RANBP2: variants seen among roughly 807,000 people sequenced by gnomAD.
The protein encoded by RANBP2 is E3 SUMO-protein ligase RanBP2.
In RANBP2, 57 loss-of-function variants were observed where a neutral mutation model predicts 303.6. The ratio of observed to expected loss-of-function variants is 0.19; its 90% CI spans 0.15 to 0.23. The LOEUF (loss-of-function observed/expected upper bound fraction) is 0.23, where lower values mean the gene tolerates loss of function less well. RANBP2 is among the 10% of genes least tolerant of loss of function. The pLI is 1.00. For missense variants in RANBP2, 3,138 were observed against 3,780.8 expected, an observed-to-expected ratio of 0.83 and a Z score of 4.46; for synonymous variants, 1,167 against 1,301.5, an observed-to-expected ratio of 0.90 and a Z score of 2.23.
At chr2:108,930,099 C>T in the RANBP2 span, 1 of 1,609,640 alleles carries the variant, frequency 6.2e-7, no homozygotes, top group Non-Finnish European at 8.5e-7. Flanking sequence ...GCACCAGGCT[C>T]CAGGAGGGCT....
At chr2:109,209,349 C>T in the RANBP2 span, among the ~76,000 whole-genome samples, 10 of 152,220 alleles carry the variant, frequency 6.6e-5, no homozygotes, top group South Asian at 6.2e-4. Flanking sequence ...TGCTGGCAAA[C>T]GTTTAACAGT....
the RANBP2 span, among the ~76,000 whole-genome samples, chr2:109,381,144 G>A: frequency 6.6e-6 from 1 of 152,212 alleles, no homozygotes; most frequent in Non-Finnish European, 1.5e-5. Flanking sequence ...AGGCTTAAGT[G>A]AGTCATCTCC....
the RANBP2 span, among the ~76,000 whole-genome samples, chr2:109,484,159 T>C: frequency 6.6e-6 from 1 of 151,772 alleles, no homozygotes; most frequent in African/African-American, 2.4e-5. Context: ...CTCTGCCTTC[T>C]GGGTTCAAGC....
At chr2:108,811,367 C>T in the RANBP2 span, among the ~76,000 whole-genome samples, 4 of 151,002 alleles carry the variant, frequency 2.6e-5, no homozygotes, top group African/African-American at 9.7e-5. Context: ...GCTTCAGCCT[C>T]CTTAGTAGCT....
At chr2:108,969,350 T>C in the RANBP2 span, among the ~76,000 whole-genome samples, 8 of 152,220 alleles carry the variant, frequency 5.3e-5, no homozygotes, top group Non-Finnish European at 1.2e-4. Flanking sequence ...CTTGCTGCTA[T>C]TGATCTGTAT....
At chr2:109,316,092 A>G in the RANBP2 span, among the ~76,000 whole-genome samples, 13 of 152,200 alleles carry the variant, frequency 8.5e-5, no homozygotes, top group South Asian at 2.1e-4. Flanking sequence ...CCAGTATGCA[A>G]TTGTAAAGCA....
the RANBP2 span, among the ~76,000 whole-genome samples, chr2:109,113,262 A>G: frequency 6.6e-6 from 1 of 152,216 alleles, no homozygotes; most frequent in Non-Finnish European, 1.5e-5. Flanking sequence ...CTTTCTATCC[A>G]TGAGCATGGA....
the RANBP2 span, among the ~76,000 whole-genome samples, chr2:108,914,688 A>G: frequency 6.6e-6 from 1 of 152,206 alleles, no homozygotes; most frequent in African/African-American, 2.4e-5. Context: ...ACATGCTTCA[A>G]ATGCATCTCC....
chr2:108,828,697 G>T, the RANBP2 span, among the ~76,000 whole-genome samples: 4 of 152,104 alleles, frequency 2.6e-5, no homozygotes, highest in African/African-American at 4.8e-5. Flanking sequence ...AATTTAACTC[G>T]GCTGGGCGTG....
the RANBP2 span, among the ~76,000 whole-genome samples, chr2:108,947,636 C>T: frequency 6.6e-6 from 1 of 152,192 alleles, no homozygotes; most frequent in Non-Finnish European, 1.5e-5. Context: ...GGGACTTGCA[C>T]CCTCTGAAGC....
Position 108,775,733 on chromosome 2 carries a change from A to C in RANBP2, c.8294A>C (p.Lys2765Thr). 1 of 1,613,640 alleles carries C rather than the reference A, an allele frequency of 6.2e-7. No homozygotes were observed. The highest frequency in any genetic ancestry group is 8.5e-7 in the Non-Finnish European group (1 of 1,179,892). The change falls in exon 24 of 29, where the codon AAA becomes ACA. Residue 2765 changes from lysine to threonine, a missense_variant and splice_region_variant. This residue lies in a region of RANBP2 where 497 missense variants were observed against 465.8 expected (regional missense o/e 1.07). Transcript: ENST00000283195. ...SELQKVQEAQ[K>T]SQTEEITSTT... ...TATTTTGTGACTTCCTCTTTGCAGA[A>C]ATCTCAGACAGAAGAAATAACTAGC...
At chr2:109,037,323 C>CAA in the RANBP2 span, among the ~76,000 whole-genome samples, 980 of 53,440 alleles carry the variant, frequency 0.018, 8 homozygotes, top group Non-Finnish European at 0.024. Context: ...GACCATGTCT[C>CAA]AAAAAAAAAA....
chr2:109,020,778 T>C, the RANBP2 span, among the ~76,000 whole-genome samples: 1 of 152,326 alleles, frequency 6.6e-6, no homozygotes, highest in African/African-American at 2.4e-5. Flanking sequence ...GTCAAGGTAT[T>C]AGTCCAAAAG....
At chr2:109,630,964 G>A in the RANBP2 span, among the ~76,000 whole-genome samples, 2 of 152,172 alleles carry the variant, frequency 1.3e-5, no homozygotes, top group African/African-American at 2.4e-5. Context: ...TACTCGGGAG[G>A]CTGAGGCAGG....
the RANBP2 span, among the ~76,000 whole-genome samples, chr2:108,982,033 C>T: frequency 6.6e-6 from 1 of 152,230 alleles, no homozygotes; most frequent in East Asian, 1.9e-4. Context: ...GTCAGTGCAA[C>T]GGCAGGGACA....
At chr2:109,492,382 C>T in the RANBP2 span, among the ~76,000 whole-genome samples, 4 of 152,162 alleles carry the variant, frequency 2.6e-5, no homozygotes, top group Non-Finnish European at 2.9e-5. Context: ...TCTGCAGAAC[C>T]CGCAGCTACT....
chr2:108,804,010 T>C, the RANBP2 span, among the ~76,000 whole-genome samples: 1 of 152,200 alleles, frequency 6.6e-6, no homozygotes. Flanking sequence ...TCTTAGAATA[T>C]TGGATTTTTT....
the RANBP2 span, among the ~76,000 whole-genome samples, chr2:109,744,434 T>G: frequency 1.0e-5 from 1 of 100,242 alleles, no homozygotes; most frequent in East Asian, 2.7e-4. Context: ...GAAATTTTTT[T>G]TTTTTTTGCT....
chr2:109,453,168 A>T, the RANBP2 span, among the ~76,000 whole-genome samples: 8,840 of 152,086 alleles, frequency 0.058, 800 homozygotes, highest in African/African-American at 0.19. Context: ...CCTGAACCAG[A>T]GCTCCTCTCT....
Sources: gnomAD v4.1 joint callset for allele counts (sites outside exome capture counted in the v4.1 genomes callset) on GRCh38, gnomAD v4.1.1 for gene constraint, gnomAD v4.1.1 regional missense constraint, MANE v1.5 for transcripts, NCBI Gene and HGNC (gene_info 2026-07-23, HGNC 2026-07-21) for gene names.